The following ZMIZ1 variants were observed in gnomAD, a reference collection of about 807,000 sequenced individuals.
The protein encoded by ZMIZ1 is zinc finger MIZ domain-containing protein 1.
Under a neutral mutation model 113.9 loss-of-function variants are expected in ZMIZ1, and 17 were observed. The observed-to-expected ratio is 0.15, with a 90% CI of 0.10 to 0.22. The LOEUF (loss-of-function observed/expected upper bound fraction) is 0.22, where lower values mean the gene tolerates loss of function less well. Among genes scored for constraint, ZMIZ1 ranks in the 10% least tolerant of loss-of-function variants. ZMIZ1 has a pLI of 1.00. For synonymous variants in ZMIZ1, 607 were observed against 603.1 expected, an observed-to-expected ratio of 1.01 and a Z score of -0.09; for missense variants, 1,059 against 1,477.8, an observed-to-expected ratio of 0.72 and a Z score of 4.65.
At chr10:79,219,332 A>T (rs933305617) in intron 7 of ZMIZ1, among the ~76,000 whole-genome samples, 1 of 152,154 alleles carries the variant, frequency 6.6e-6, no homozygotes, top group African/African-American at 2.4e-5. Flanking sequence ...GTGTTCTCAT[A>T]TGTTTTGTGG....
At chr10:79,212,577 C>A (rs1198800658) in intron 6 of ZMIZ1, among the ~76,000 whole-genome samples, 7 of 152,046 alleles carry the variant, frequency 4.6e-5, no homozygotes, top group Non-Finnish European at 7.4e-5. Flanking sequence ...CATGGTGAAA[C>A]CCTGTCTCTA....
At chr10:79,286,641 G>C (rs866229275) in intron 8 of ZMIZ1, among the ~76,000 whole-genome samples, 3 of 152,260 alleles carry the variant, frequency 2.0e-5, no homozygotes, top group African/African-American at 7.2e-5. Context: ...TTCCAGCCAG[G>C]CAGTGGGATG....
intron 7 of ZMIZ1, among the ~76,000 whole-genome samples, chr10:79,227,514 T>C (rs1849240762): frequency 6.6e-6 from 1 of 152,214 alleles, no homozygotes; most frequent in South Asian, 2.1e-4. Context: ...AACTCCTTTG[T>C]GCCATGGTTC....
rs533875480 is a variant in ZMIZ1, at chr10:79,085,744, T to C, written c.-337+16474T>C. 3.2e-4 allele frequency among the ~76,000 whole-genome samples: 49 copies of C among 152,182 alleles called. 1 individual carries two copies. Among genetic ancestry groups the C allele is most frequent in the Non-Finnish European group, 6.8e-4 (46 of 68,046 alleles). ...TTTCAGGAAGCAAAAGCCCAAACCT[T>C]TTCAGAATGAGACTCTTATTCTGGG... On this transcript the variant is annotated intron_variant, in intron 1 of 24. Coordinates refer to ENST00000334512, the MANE Select transcript of ZMIZ1 (RefSeq NM_020338.4).
At chr10:79,152,698 G>C (rs921667594) in intron 3 of ZMIZ1, among the ~76,000 whole-genome samples, 2 of 152,220 alleles carry the variant, frequency 1.3e-5, no homozygotes, top group Non-Finnish European at 2.9e-5. Flanking sequence ...GCTGAGTACA[G>C]CTCTACCACT....
chr10:79,257,529 A>T (rs1209608339), intron 7 of ZMIZ1, among the ~76,000 whole-genome samples: 1 of 152,260 alleles, frequency 6.6e-6, no homozygotes, highest in Non-Finnish European at 1.5e-5. Context: ...GGGGTGGGTC[A>T]GGCTTTGGGG....
At chr10:79,232,435 C>T (rs1020782936) in intron 7 of ZMIZ1, among the ~76,000 whole-genome samples, 4 of 152,140 alleles carry the variant, frequency 2.6e-5, no homozygotes, top group African/African-American at 9.7e-5. Flanking sequence ...CATAGGTATA[C>T]ATAATAAGTA....
At chr10:79,151,820 G>A (rs1845722370) in intron 3 of ZMIZ1, among the ~76,000 whole-genome samples, 1 of 152,196 alleles carries the variant, frequency 6.6e-6, no homozygotes, top group Admixed American at 6.5e-5. Context: ...AGTGGGCTGC[G>A]GGATGTGAGC....
At chr10:79,109,380 C>T (rs745310744) in intron 1 of ZMIZ1, among the ~76,000 whole-genome samples, 3 of 152,148 alleles carry the variant, frequency 2.0e-5, no homozygotes, top group Non-Finnish European at 2.9e-5. Context: ...CGGTGCCCAG[C>T]GTGGCTGGGC....
At chr10:79,105,523 T>G (rs577265883) in intron 1 of ZMIZ1, among the ~76,000 whole-genome samples, 5 of 152,334 alleles carry the variant, frequency 3.3e-5, no homozygotes, top group African/African-American at 1.2e-4. Context: ...TAATCAGGAC[T>G]GAGAAAACCC....
chr10:79,171,482 C>T (rs1466836896), intron 4 of ZMIZ1, among the ~76,000 whole-genome samples: 2 of 152,234 alleles, frequency 1.3e-5, no homozygotes, highest in Non-Finnish European at 2.9e-5. Flanking sequence ...CTCTCCACTG[C>T]TCTCTCTATC....
intron 2 of ZMIZ1, among the ~76,000 whole-genome samples, chr10:79,139,334 C>T (rs1055330588): frequency 2.0e-5 from 3 of 152,182 alleles, no homozygotes; most frequent in Non-Finnish European, 4.4e-5. Flanking sequence ...AAAATACCCC[C>T]GACAGCTTCT....
intron 1 of ZMIZ1, among the ~76,000 whole-genome samples, chr10:79,101,877 A>C (rs1486931325): frequency 6.6e-6 from 1 of 152,206 alleles, no homozygotes; most frequent in East Asian, 1.9e-4. Flanking sequence ...TGTGAGGAGC[A>C]GCTGTCAATT....
chr10:79,144,673 A>T (rs1406895789), intron 3 of ZMIZ1, among the ~76,000 whole-genome samples: 1 of 152,224 alleles, frequency 6.6e-6, no homozygotes, highest in African/African-American at 2.4e-5. Flanking sequence ...TATTGTTTAA[A>T]TATAGATTAC....
chr10:79,136,751 C>G (rs564127140), intron 2 of ZMIZ1, among the ~76,000 whole-genome samples: 136 of 152,340 alleles, frequency 8.9e-4, no homozygotes, highest in African/African-American at 3.2e-3. Context: ...ACATAAAGTG[C>G]TTAGAACAGT....
At chr10:79,297,754 C>A in intron 14 of ZMIZ1, 64 bp downstream of exon 14, 4 of 1,434,976 alleles carry the variant, frequency 2.8e-6, no homozygotes, top group Non-Finnish European at 2.9e-6. Context: ...AAGGTTCTCA[C>A]TGTTCCTGCT....
In ZMIZ1 at chr10:79,093,741, C is replaced by T. The variant is rs12770985; in HGVS notation, c.-337+24471C>T. On this transcript the variant is annotated intron_variant, in intron 1 of 24. Transcript: ENST00000334512. ...GCAGGCCTGTGAGTTTAGATCCTGG[C>T]TCCCACTACCCTATGCACACCCTCC... Among the ~76,000 whole-genome samples, 326 of 152,332 alleles carry T rather than the reference C, an allele frequency of 2.1e-3. 1 individual carries two copies. Among genetic ancestry groups the T allele is most frequent in the Admixed American group, 5.2e-3 (79 of 15,306 alleles).
chr10:79,182,316 C>T (rs1847154955), intron 4 of ZMIZ1, among the ~76,000 whole-genome samples: 1 of 152,210 alleles, frequency 6.6e-6, no homozygotes, highest in African/African-American at 2.4e-5. Context: ...CTGCCTCCAG[C>T]TGCTGCCTGA....
chr10:79,299,147 T>C lies in ZMIZ1; in HGVS notation c.1764T>C (p.His588=), dbSNP rs749297079. ...AGCACAACCTGGCGGTCAGCAACCA[T>C]GTGTTCCACCTGCGGCCCACGGTCC... The part of the protein sequence containing the change: ...RLEHNLAVSN[H]VFHLRPTVHQ... Residue 588 remains histidine, a synonymous_variant, in exon 16 of 25, where the codon CAT becomes CAC. Transcript: ENST00000334512. The C allele has an allele frequency of 1.2e-6, 2 of 1,610,900 alleles. No individual in the cohort carries two copies. Among genetic ancestry groups the C allele is most frequent in the Admixed American group, 1.7e-5 (1 of 60,006 alleles).
Sources: allele counts gnomAD v4.1 joint callset (sites outside exome capture counted in the v4.1 genomes callset), GRCh38; gene constraint gnomAD v4.1.1; transcripts MANE v1.5; gene names NCBI Gene and HGNC (gene_info 2026-07-23, HGNC 2026-07-21).